NIM1K: variants seen among roughly 807,000 people sequenced by gnomAD.
The protein encoded by NIM1K is NIM1 serine/threonine protein kinase, also known as serine/threonine-protein kinase NIM1.
In NIM1K, 35 loss-of-function variants were observed where a neutral mutation model predicts 37.1. The ratio of observed to expected loss-of-function variants is 0.94; its 90% CI spans 0.72 to 1.25. The LOEUF is 1.25. NIM1K is among the 50% of genes most tolerant of loss of function. The pLI is 0.00. For missense variants in NIM1K, 564 were observed against 548.0 expected, an observed-to-expected ratio of 1.03 and a Z score of -0.29; for synonymous variants, 234 against 206.6, an observed-to-expected ratio of 1.13 and a Z score of -1.14.
At chr5:43,278,757 G>A (rs982628639) in intron 3 of NIM1K, among the ~76,000 whole-genome samples, 2 of 152,202 alleles carry the variant, frequency 1.3e-5, no homozygotes, top group Non-Finnish European at 2.9e-5. Flanking sequence ...AAAAGAGGGA[G>A]AATTTGCAAG....
intron 2 of NIM1K, among the ~76,000 whole-genome samples, chr5:43,251,281 ACAAT>A (rs1169159587): frequency 6.6e-6 from 1 of 152,250 alleles, no homozygotes; most frequent in Non-Finnish European, 1.5e-5. Context: ...AAACATGCTA[ACAAT>A]CAATCTCAGA....
At position 43,280,303 on chromosome 5, in the gene NIM1K, A is replaced by G. The variant is rs1371268257; in HGVS notation, c.885A>G (p.Ser295=). 1.2e-6 allele frequency: 2 copies of G among 1,614,200 alleles called. No individual in the cohort carries two copies. Among genetic ancestry groups the G allele is most frequent in the South Asian group, 2.2e-5 (2 of 91,084 alleles). The stretch of plus-strand genomic sequence containing the variant: ...CATACAGTGTACCGCCGCACGTGTC[A>G]GAGCCCTGCCACCGACTCATCCGAG... ...EGTYSVPPHV[S]EPCHRLIRGV... is the part of the protein sequence containing the mutation. Residue 295 remains serine (S), a synonymous_variant, in exon 4 of 4, where the codon TCA becomes TCG. Coordinates refer to ENST00000326035, the MANE Select transcript of NIM1K (RefSeq NM_153361.4).
chr5:43,211,547 A>G (rs1013987298), intron 1 of NIM1K, among the ~76,000 whole-genome samples: 1 of 152,178 alleles, frequency 6.6e-6, no homozygotes, highest in Non-Finnish European at 1.5e-5. Flanking sequence ...CAGCATGTCA[A>G]TATATCATAT....
rs927779366 is a variant in NIM1K at position 43,233,109 on chromosome 5, C to T, written c.-694-11973C>T. On this transcript the variant is annotated intron_variant, in intron 1 of 3. Transcript: ENST00000326035. ...GGATGCCATGTTCCAGGCAGTAGGG[C>T]TCCCAGCAGGCATTGCCAACCTGGA... is the stretch of plus-strand genomic sequence containing the variant. 28 of 1,346,384 alleles carry T rather than the reference C, an allele frequency of 2.1e-5. No individual in the cohort carries two copies. The African/African-American group carries it at 3.9e-4, about 19-fold the overall frequency. The allele number at this position is 1,346,384 out of a possible 1,614,324, so 83.4% of individuals were successfully genotyped here. A position where few individuals can be genotyped will look rare whatever the true frequency, so the allele number is the denominator to read the frequency against.
intron 1 of NIM1K, among the ~76,000 whole-genome samples, chr5:43,226,761 G>A (rs916203061): frequency 2.0e-5 from 3 of 152,182 alleles, no homozygotes; most frequent in African/African-American, 7.2e-5. Flanking sequence ...CTGCTCTCAA[G>A]GACAGCTTGT....
chr5:43,201,225 C>G (rs187485334), intron 1 of NIM1K, among the ~76,000 whole-genome samples: 18 of 151,622 alleles, frequency 1.2e-4, no homozygotes, highest in Admixed American at 2.0e-4. Flanking sequence ...CTGGCTAACA[C>G]GGTGAAACCC....
At chr5:43,274,443 A>G (rs577574902) in intron 2 of NIM1K, among the ~76,000 whole-genome samples, 45 of 152,308 alleles carry the variant, frequency 3.0e-4, no homozygotes, top group African/African-American at 1.1e-3. Flanking sequence ...CAGGAAATCG[A>G]AGGGTGGAAT....
intron 2 of NIM1K, among the ~76,000 whole-genome samples, chr5:43,252,548 C>T (rs1414340959): frequency 1.4e-5 from 2 of 147,554 alleles, no homozygotes; most frequent in Non-Finnish European, 3.0e-5. Context: ...CCAGGAGCAG[C>T]TCCCAGGACA....
At chr5:43,226,915 G>GC (rs1752464240) in intron 1 of NIM1K, among the ~76,000 whole-genome samples, 1 of 152,164 alleles carries the variant, frequency 6.6e-6, no homozygotes, top group African/African-American at 2.4e-5. Context: ...GTCAAAGAAG[G>GC]CCTCTAGAAG....
At chr5:43,198,181 T>TTC (rs749323020) in intron 1 of NIM1K, among the ~76,000 whole-genome samples, 5 of 59,820 alleles carry the variant, frequency 8.4e-5, no homozygotes, top group South Asian at 7.2e-4. Context: ...CTTTCTTTCT[T>TTC]TCTTTCTTTC....
At chr5:43,207,228 A>G in intron 1 of NIM1K, 3 of 754,944 alleles carry the variant, frequency 4.0e-6, no homozygotes, top group Non-Finnish European at 7.5e-6. Context: ...TATACCTGGG[A>G]CATCATGGGA....
intron 1 of NIM1K, among the ~76,000 whole-genome samples, chr5:43,223,224 T>G (rs1347943992): frequency 6.6e-6 from 1 of 151,914 alleles, no homozygotes; most frequent in African/African-American, 2.4e-5. Context: ...TTAAGAACCC[T>G]GAGGCTGGGG....
At chr5:43,258,620 T>A (rs1020529962) in intron 2 of NIM1K, among the ~76,000 whole-genome samples, 1 of 152,024 alleles carries the variant, frequency 6.6e-6, no homozygotes, top group African/African-American at 2.4e-5. Flanking sequence ...TTTTTAAATG[T>A]TTTGTAGATA....
chr5:43,220,293 C>CTT lies in NIM1K; in HGVS notation c.-694-24773_-694-24772dup, dbSNP rs70994613. ...TTTATTCTTCTGCATGTGGGTATCT[C>CTT]TTTTTTTTTTTTTTTTTGGAGATGG... On this transcript the variant is annotated intron_variant, in intron 1 of 3. Transcript: ENST00000326035. Among the ~76,000 whole-genome samples, 926 of 130,366 alleles carry CTT rather than the reference C, an allele frequency of 7.1e-3. 14 individuals carry two copies. Among genetic ancestry groups the CTT allele is most frequent in the Non-Finnish European group, 8.8e-3 (548 of 62,188 alleles). 85.5% of individuals were successfully genotyped at this position (130,366 alleles called of 152,430 possible). A position where few individuals can be genotyped will look rare whatever the true frequency, so the allele number is the denominator to read the frequency against.
intron 2 of NIM1K, among the ~76,000 whole-genome samples, chr5:43,254,637 C>T (rs559326846): frequency 6.6e-6 from 1 of 152,350 alleles, no homozygotes; most frequent in South Asian, 2.1e-4. Flanking sequence ...GCAGCACCTT[C>T]TGGTAGGTGC....
intron 2 of NIM1K, among the ~76,000 whole-genome samples, chr5:43,274,736 G>A (rs143915073): frequency 2.8e-3 from 431 of 152,290 alleles, no homozygotes; most frequent in African/African-American, 9.1e-3. Flanking sequence ...GCTGGCTGCC[G>A]CAGACACCAG....
intron 1 of NIM1K, among the ~76,000 whole-genome samples, chr5:43,213,169 C>T (rs866765978): frequency 6.5e-5 from 3 of 46,500 alleles, no homozygotes; most frequent in East Asian, 3.2e-4. Flanking sequence ...TTCTTTTTTT[C>T]TTTCTTTCTT....
chr5:43,212,384 C>T (rs1223319128), intron 1 of NIM1K, among the ~76,000 whole-genome samples: 3 of 152,132 alleles, frequency 2.0e-5, no homozygotes, highest in African/African-American at 7.2e-5. Flanking sequence ...ATCCTTTGAG[C>T]TTAGTCCAGG....
intron 2 of NIM1K, among the ~76,000 whole-genome samples, chr5:43,268,076 T>C (rs1470599319): frequency 6.6e-6 from 1 of 152,216 alleles, no homozygotes; most frequent in African/African-American, 2.4e-5. Flanking sequence ...ATTGGGTTGC[T>C]CATTATCTCT....
Sources: gnomAD v4.1 joint callset for allele counts (sites outside exome capture counted in the v4.1 genomes callset) on GRCh38, gnomAD v4.1.1 for gene constraint, MANE v1.5 for transcripts, NCBI Gene and HGNC (gene_info 2026-07-23, HGNC 2026-07-21) for gene names.